Variants in ABCC1 observed in about 807,000 individuals in gnomAD.
ABCC1 encodes the protein ATP binding cassette subfamily C member 1 (ABCC1 blood group).
In ABCC1, 83 loss-of-function variants were observed where a neutral mutation model predicts 172.9. The observed-to-expected ratio is 0.48, with a 90% confidence interval of 0.40 to 0.58. The LOEUF (loss-of-function observed/expected upper bound fraction) is 0.58, where lower values mean the gene tolerates loss of function less well. Ranked by LOEUF, ABCC1 falls within the 20% of genes least tolerant of loss-of-function variation. The pLI is 0.00. For missense variants in ABCC1, 1,817 were observed against 2,002.7 expected (o/e 0.91, Z 1.77); for synonymous variants, 937 against 825.2 (o/e 1.14, Z -2.32).
intron 22 of ABCC1, among the ~76,000 whole-genome samples, chr16:16,112,816 G>A (rs1212958269): frequency 1.3e-5 from 2 of 152,200 alleles, no homozygotes; most frequent in Non-Finnish European, 2.9e-5. Context: ...ACATTGCCAG[G>A]TGGGGACTTC....
intron 5 of ABCC1, among the ~76,000 whole-genome samples, chr16:16,030,238 T>G (rs2048517271): frequency 6.6e-6 from 1 of 152,150 alleles, no homozygotes; most frequent in African/African-American, 2.4e-5. Flanking sequence ...CATAAACATG[T>G]AAGGCTGGGC....
rs774156560 is a variant in ABCC1, at chr16:16,044,687, C to A, written c.1040+7C>A. On this transcript the variant is annotated splice_region_variant and intron_variant, in intron 8 of 30. Coordinates refer to ENST00000399410, the MANE Select transcript of ABCC1 (RefSeq NM_004996.4). ...CCGGGCCGCAGATCTTAAAGTAAGA[C>A]CCCTTCCCTCCCAGGTGGGCTCCAT... The A allele has an allele frequency of 2.5e-6, 4 of 1,611,044 alleles. No individual in the cohort carries two copies. The highest frequency in any genetic ancestry group is 2.2e-5 in the East Asian group (1 of 44,852).
chr16:15,954,614 C>T (rs2045946733), intron 1 of ABCC1, among the ~76,000 whole-genome samples: 2 of 152,198 alleles, frequency 1.3e-5, no homozygotes, highest in African/African-American at 4.8e-5. Flanking sequence ...CAATCAGGAG[C>T]GGATTCAGGG....
At chr16:16,009,726 G>T in intron 2 of ABCC1, 50 bp from the exon 3 acceptor site, 1 of 1,517,668 alleles carries the variant, frequency 6.6e-7, no homozygotes, top group East Asian at 2.5e-5. Context: ...AGGCCCTGGG[G>T]GAGGTTCCAG....
intron 19 of ABCC1, among the ~76,000 whole-genome samples, chr16:16,094,782 TG>T (rs1299472798): frequency 6.7e-6 from 1 of 150,364 alleles, no homozygotes; most frequent in Non-Finnish European, 1.5e-5. Flanking sequence ...CCCAAAGTGC[TG>T]GGATTACAGG....
At chr16:16,106,656 A>G in intron 20 of ABCC1, 82 bp from the exon 21 acceptor site, 1 of 1,576,694 alleles carries the variant, frequency 6.3e-7, no homozygotes, top group African/African-American at 1.3e-5. Flanking sequence ...GTTCAGACCC[A>G]CAATAGCAGT....
intron 14 of ABCC1, among the ~76,000 whole-genome samples, chr16:16,072,181 A>ATT (rs11343915): frequency 1.4e-5 from 2 of 144,562 alleles, no homozygotes; most frequent in African/African-American, 2.5e-5. Flanking sequence ...TGTTACTTGG[A>ATT]TTTTTTTTTT....
intron 1 of ABCC1, among the ~76,000 whole-genome samples, chr16:15,993,145 G>T (rs1236639384): frequency 6.6e-6 from 1 of 152,188 alleles, no homozygotes; most frequent in Non-Finnish European, 1.5e-5. Flanking sequence ...AGAGGACAGA[G>T]ATATCGTTTC....
intron 5 of ABCC1, among the ~76,000 whole-genome samples, chr16:16,019,993 G>A (rs2048139157): frequency 1.3e-5 from 2 of 152,154 alleles, no homozygotes; most frequent in African/African-American, 4.8e-5. Flanking sequence ...GCATGATCTT[G>A]GCTCTGCAGC....
intron 10 of ABCC1, among the ~76,000 whole-genome samples, chr16:16,049,781 T>A (rs1434668825): frequency 6.6e-6 from 1 of 152,168 alleles, no homozygotes; most frequent in Non-Finnish European, 1.5e-5. Context: ...CCTCCCAGCT[T>A]CAAGCAATTC....
At chr16:15,985,970 C>T (rs995005292) in intron 1 of ABCC1, among the ~76,000 whole-genome samples, 5 of 150,430 alleles carry the variant, frequency 3.3e-5, no homozygotes, top group Non-Finnish European at 7.4e-5. Flanking sequence ...GTCAAATCTC[C>T]TTTACTTTTT....
At chr16:16,060,642 C>A (rs1233218133) in intron 12 of ABCC1, among the ~76,000 whole-genome samples, 1 of 151,928 alleles carries the variant, frequency 6.6e-6, no homozygotes, top group Non-Finnish European at 1.5e-5. Flanking sequence ...CTGCCTCAGT[C>A]CCCCGACTAG....
intron 13 of ABCC1, among the ~76,000 whole-genome samples, chr16:16,069,207 A>G (rs141182248): frequency 9.7e-6 from 1 of 102,990 alleles, no homozygotes; most frequent in Non-Finnish European, 1.9e-5. Context: ...TAAATAAATA[A>G]ATAAATATGT....
intron 20 of ABCC1, among the ~76,000 whole-genome samples, chr16:16,104,916 T>A (rs2052001599): frequency 6.6e-6 from 1 of 152,102 alleles, no homozygotes; most frequent in South Asian, 2.1e-4. Context: ...GCCCGGCAGC[T>A]CTGAGTGCGG....
In ABCC1 at chr16:16,124,886, G is replaced by A. The variant is rs890457982; in HGVS notation, c.3688G>A (p.Val1230Met). 2.5e-6 allele frequency: 4 copies of A among 1,614,218 alleles called. No individual in the cohort carries two copies. Among genetic ancestry groups the A allele is most frequent in the Non-Finnish European group, 3.4e-6 (4 of 1,180,030 alleles). ...CAGGCACAGCCTCAGTGCTGGCTTGGTGGGCCTCTCAGTGTCTTACTCATT... is the reference window on the plus strand; with the variant it reads ...CAGGCACAGCCTCAGTGCTGGCTTGATGGGCCTCTCAGTGTCTTACTCATT... ...ISRHSLSAGL[V>M]GLSVSYSLQV... Residue 1230 changes from valine to methionine, a missense_variant, in exon 25 of 31, where the codon GTG becomes ATG. Physicochemically the swap from Val to Met is conservative, Grantham distance 21. Coordinates refer to ENST00000399410, the MANE Select transcript of ABCC1 (RefSeq NM_004996.4).
At chr16:16,039,327 G>A (rs1246977122) in intron 7 of ABCC1, among the ~76,000 whole-genome samples, 1 of 144,202 alleles carries the variant, frequency 6.9e-6, no homozygotes, top group African/African-American at 2.6e-5. Flanking sequence ...GAATACAGTA[G>A]TGTGATCTCG....
chr16:16,082,151 G>A (rs989475581), intron 16 of ABCC1, among the ~76,000 whole-genome samples: 4 of 152,182 alleles, frequency 2.6e-5, no homozygotes, highest in Admixed American at 6.5e-5. Flanking sequence ...TTCCTGTCAC[G>A]CTGGCCTTTC....
chr16:16,047,520 A>G (rs2049260107), intron 9 of ABCC1, among the ~76,000 whole-genome samples: 1 of 151,948 alleles, frequency 6.6e-6, no homozygotes, highest in East Asian at 1.9e-4. Context: ...GGCTAGGGAC[A>G]TTTTCCCCCA....
chr16:15,960,837 A>C (rs215099), intron 1 of ABCC1, among the ~76,000 whole-genome samples: 103,329 of 151,842 alleles, frequency 0.68, 35,323 homozygotes, highest in South Asian at 0.74. Context: ...ATAAAAATCT[A>C]GCCTGGAGCA....
Sources: gnomAD v4.1 joint callset for allele counts (sites outside exome capture counted in the v4.1 genomes callset) on GRCh38, gnomAD v4.1.1 for gene constraint, MANE v1.5 for transcripts, NCBI Gene and HGNC (gene_info 2026-07-23, HGNC 2026-07-21) for gene names.